Variants in IP6K1 observed in about 807,000 individuals in gnomAD.
The protein encoded by IP6K1 is inositol hexakisphosphate kinase 1, also known as ATP:1D-myo-inositol-hexakisphosphate phosphotransferase.
IP6K1 carries 13 observed loss-of-function variants against 38.3 expected under a neutral mutation model. The ratio of observed to expected loss-of-function variants is 0.34; its 90% CI spans 0.22 to 0.54. The LOEUF is 0.54. Among genes scored for constraint, IP6K1 ranks in the 20% least tolerant of loss-of-function variants. IP6K1 has a pLI of 0.92. For synonymous variants in IP6K1, 212 were observed against 229.9 expected (o/e 0.92, Z 0.70); for missense variants, 397 against 599.8 (o/e 0.66, Z 3.53).
chr3:49,775,628 C>A, intron 1 of IP6K1: 1 of 851,206 alleles, frequency 1.2e-6, no homozygotes, highest in South Asian at 2.5e-5. Flanking sequence ...GTGGGTGGCC[C>A]CTTCCTCCCC....
intron 1 of IP6K1, among the ~76,000 whole-genome samples, chr3:49,779,514 T>A (rs2081046983): frequency 6.6e-6 from 1 of 152,212 alleles, no homozygotes. Flanking sequence ...ATGGTAACTC[T>A]ATGTTTAACC....
At chr3:49,754,740 G>A (rs1163128552) in intron 1 of IP6K1, among the ~76,000 whole-genome samples, 1 of 152,072 alleles carries the variant, frequency 6.6e-6, no homozygotes, top group Non-Finnish European at 1.5e-5. Context: ...AGCTAGGAAG[G>A]CACTGTCTCT....
chr3:49,764,877 GAA>G (rs768025154), intron 1 of IP6K1, among the ~76,000 whole-genome samples: 5 of 113,720 alleles, frequency 4.4e-5, no homozygotes, highest in Non-Finnish European at 1.8e-5. Flanking sequence ...ACTCTGTCTT[GAA>G]AAAAAAAAAA....
intron 1 of IP6K1, among the ~76,000 whole-genome samples, chr3:49,754,531 A>G (rs779179118): frequency 2.5e-4 from 38 of 152,332 alleles, no homozygotes; most frequent in Middle Eastern, 3.4e-3. Context: ...GACAATAATA[A>G]TGATAGTAAG....
At chr3:49,741,783 G>GA (rs1209609259) in intron 2 of IP6K1, among the ~76,000 whole-genome samples, 1 of 152,128 alleles carries the variant, frequency 6.6e-6, no homozygotes, top group African/African-American at 2.4e-5. Flanking sequence ...TGATGCTAAG[G>GA]AAAAAATCCC....
chr3:49,734,539 G>C (rs1181029020), intron 3 of IP6K1, among the ~76,000 whole-genome samples: 2 of 148,820 alleles, frequency 1.3e-5, no homozygotes, highest in African/African-American at 4.9e-5. Context: ...ACCAGGGCTG[G>C]TGTGTGCTGG....
chr3:49,731,873 G>C (rs1315813874), intron 4 of IP6K1, among the ~76,000 whole-genome samples: 1 of 46,020 alleles, frequency 2.2e-5, no homozygotes, highest in Non-Finnish European at 4.9e-5. Context: ...GGGTAACAGA[G>C]TGAGACTCTG....
intron 1 of IP6K1, among the ~76,000 whole-genome samples, chr3:49,756,914 A>AC (rs35365539): frequency 0.52 from 79,406 of 151,748 alleles, 21,704 homozygotes; most frequent in East Asian, 0.82. Context: ...ATAAGAAGCC[A>AC]CTGGATTACC....
At position 49,747,733 on chromosome 3, in the gene IP6K1, C is replaced by T. The variant is rs114083325; in HGVS notation, c.223+85G>A. ...AGAAAAAAGACCTACAATGATATATCATGGCAAACAAACCAAGAAAAAACT... is the reference window on the plus strand; with the variant it reads ...AGAAAAAAGACCTACAATGATATATTATGGCAAACAAACCAAGAAAAAACT... On this transcript the variant is annotated intron_variant, in intron 2 of 5. Coordinates refer to ENST00000321599, the MANE Select transcript of IP6K1 (RefSeq NM_153273.4). 491 of 1,565,112 alleles carry T rather than the reference C, an allele frequency of 3.1e-4. 5 individuals carry two copies. In the African/African-American group the frequency reaches 6.0e-3, roughly 19 times the overall value.
At chr3:49,786,097 A>G (rs1286830935) in intron 1 of IP6K1, 1 of 152,302 alleles carries the variant, frequency 6.6e-6, no homozygotes, top group Non-Finnish European at 1.5e-5. Context: ...AGCTTCGGTC[A>G]GAGAAGCTGG....
chr3:49,773,642 A>G (rs2080978838), intron 1 of IP6K1, among the ~76,000 whole-genome samples: 1 of 152,200 alleles, frequency 6.6e-6, no homozygotes, highest in African/African-American at 2.4e-5. Flanking sequence ...TAAAAAAGAT[A>G]GCCACATATT....
chr3:49,783,039 G>C (rs952190468), intron 1 of IP6K1, among the ~76,000 whole-genome samples: 2 of 151,154 alleles, frequency 1.3e-5, no homozygotes, highest in African/African-American at 4.9e-5. Context: ...AGTATCACTT[G>C]AACCCAGGAG....
At chr3:49,755,655 G>C (rs1251517819) in intron 1 of IP6K1, among the ~76,000 whole-genome samples, 1 of 151,970 alleles carries the variant, frequency 6.6e-6, no homozygotes, top group Non-Finnish European at 1.5e-5. Context: ...ATAAAACTTG[G>C]GCTATACAGC....
chr3:49,726,807 CAA>C lies in IP6K1; in HGVS notation c.*313_*314del, dbSNP rs1166062492. 2 of 429,368 alleles carry C rather than the reference CAA, an allele frequency of 4.7e-6. No homozygotes were observed. The highest frequency in any genetic ancestry group is 2.0e-5 in the African/African-American group (1 of 49,126). The allele number at this position is 429,368 out of a possible 1,614,324, so 26.6% of individuals were successfully genotyped here. A position where few individuals can be genotyped will look rare whatever the true frequency, so the allele number is the denominator to read the frequency against. On this transcript the variant is annotated 3_prime_UTR_variant, in exon 6 of 6. Transcript: ENST00000321599. ...CAGCCACAGATCTCAAAGATCTAGACAAGAGAAACCAATGTCCAAGGGCACCC... is the reference window on the plus strand; with the variant it reads ...CAGCCACAGATCTCAAAGATCTAGACGAGAAACCAATGTCCAAGGGCACCC...
chr3:49,784,862 T>C (rs942667054), intron 1 of IP6K1, among the ~76,000 whole-genome samples: 4 of 152,084 alleles, frequency 2.6e-5, no homozygotes, highest in African/African-American at 9.7e-5. Context: ...GGAAAATTGC[T>C]TGAACCAGGG....
intron 1 of IP6K1, among the ~76,000 whole-genome samples, chr3:49,778,451 G>A (rs2081037993): frequency 1.3e-5 from 2 of 151,904 alleles, no homozygotes; most frequent in African/African-American, 2.4e-5. Context: ...TGGCCAACAC[G>A]GTGAAACTTC....
At chr3:49,730,464 A>G (rs2080552749) in intron 4 of IP6K1, among the ~76,000 whole-genome samples, 1 of 152,246 alleles carries the variant, frequency 6.6e-6, no homozygotes, top group South Asian at 2.1e-4. Context: ...TAAGGAAGAC[A>G]TCTTGGTAGC....
chr3:49,784,678 G>A (rs1359786845), intron 1 of IP6K1, among the ~76,000 whole-genome samples: 2 of 151,794 alleles, frequency 1.3e-5, no homozygotes, highest in African/African-American at 2.4e-5. Context: ...TTGGCGCGGT[G>A]GCTCATGCCT....
chr3:49,781,919 TA>T (rs915429218), intron 1 of IP6K1, among the ~76,000 whole-genome samples: 160 of 145,810 alleles, frequency 1.1e-3, no homozygotes, highest in African/African-American at 3.6e-3. Context: ...TCATGTCCAT[TA>T]AAAAAAAAAA....
Sources: allele counts gnomAD v4.1 joint callset (sites outside exome capture counted in the v4.1 genomes callset), GRCh38; gene constraint gnomAD v4.1.1; transcripts MANE v1.5; gene names NCBI Gene and HGNC (gene_info 2026-07-23, HGNC 2026-07-21).